The following ADGRD1 variants were observed in gnomAD, a reference collection of about 807,000 sequenced individuals.
ADGRD1 encodes the protein adhesion G protein-coupled receptor D1.
In ADGRD1, 77 loss-of-function variants were observed where a neutral mutation model predicts 113.4. The observed-to-expected ratio is 0.68, with a 90% CI of 0.57 to 0.82. The LOEUF (loss-of-function observed/expected upper bound fraction) is 0.82. ADGRD1 is among the 40% of genes least tolerant of loss of function. ADGRD1 has a pLI of 0.00. For synonymous variants in ADGRD1, 474 were observed against 475.0 expected, an observed-to-expected ratio of 1.00 and a Z score of 0.03; for missense variants, 1,036 against 1,139.1, an observed-to-expected ratio of 0.91 and a Z score of 1.30.
intron 2 of ADGRD1, chr12:130,958,060 C>T: frequency 6.4e-6 from 1 of 155,914 alleles, no homozygotes; most frequent in Non-Finnish European, 1.4e-5. Context: ...TGCCTTCCTT[C>T]CCTTCCTCCT....
intron 9 of ADGRD1, among the ~76,000 whole-genome samples, chr12:131,000,935 T>G (rs1407941770): frequency 1.3e-5 from 2 of 152,180 alleles, no homozygotes; most frequent in Non-Finnish European, 2.9e-5. Flanking sequence ...GACATGCAAC[T>G]GATTCAGAAT....
chr12:131,077,785 T>C (rs930478442), intron 14 of ADGRD1, among the ~76,000 whole-genome samples: 3 of 152,180 alleles, frequency 2.0e-5, no homozygotes, highest in African/African-American at 7.2e-5. Flanking sequence ...TCACCCAGGC[T>C]GGAGTGCAGT....
chr12:130,995,133 G>A lies in ADGRD1; in HGVS notation c.966+2741G>A, dbSNP rs547265144. Among the ~76,000 whole-genome samples, 310 of 152,358 alleles carry A rather than the reference G, an allele frequency of 2.0e-3. 1 individual carries two copies. Among genetic ancestry groups the A allele is most frequent in the African/African-American group, 7.2e-3 (299 of 41,590 alleles). On this transcript the variant is annotated intron_variant, in intron 8 of 24. Transcript: ENST00000261654. ...TGATAGGGTGTGGCCAGGCTGGCAG[G>A]TCTGTGGGAAGAGTTGGTGGTGGGG...
chr12:131,016,921 A>T (rs1333297845), intron 13 of ADGRD1, among the ~76,000 whole-genome samples: 3 of 147,974 alleles, frequency 2.0e-5, no homozygotes, highest in African/African-American at 7.4e-5. Flanking sequence ...TAAAGGCAGG[A>T]GGCTTGTTCT....
intron 8 of ADGRD1, among the ~76,000 whole-genome samples, chr12:130,999,531 C>T (rs557708062): frequency 1.3e-5 from 2 of 152,264 alleles, no homozygotes; most frequent in South Asian, 2.1e-4. Flanking sequence ...TGAGGAAGAA[C>T]GTGAGTATTC....
intron 8 of ADGRD1, among the ~76,000 whole-genome samples, chr12:130,992,830 C>A (rs1437936977): frequency 6.6e-6 from 1 of 152,060 alleles, no homozygotes; most frequent in African/African-American, 2.4e-5. Flanking sequence ...GAGAATGCAA[C>A]ATTTATGGCA....
intron 13 of ADGRD1, among the ~76,000 whole-genome samples, chr12:131,040,708 T>C (rs1882040046): frequency 6.6e-6 from 1 of 152,188 alleles, no homozygotes; most frequent in Admixed American, 6.5e-5. Context: ...AAGACAGGGA[T>C]AGAACAACCT....
At chr12:131,125,875 A>G (rs1178510053) in intron 20 of ADGRD1, among the ~76,000 whole-genome samples, 2 of 152,252 alleles carry the variant, frequency 1.3e-5, no homozygotes, top group African/African-American at 4.8e-5. Flanking sequence ...TTATAATGCA[A>G]TGTTGAATAT....
Position 130,981,941 on chromosome 12 carries a change from C to CTAGGGAT in ADGRD1, c.369_370insAGGGATT (p.Ala124ArgfsTer71). 6.2e-7 allele frequency: 1 copy of CTAGGGAT among 1,613,544 alleles called. No homozygotes were observed. Among genetic ancestry groups the CTAGGGAT allele is most frequent in the Non-Finnish European group, 8.5e-7 (1 of 1,179,406 alleles). ...GGAGAACAGTCTAGACCAATCCCTTCTGCGTATGGGGGACAGGTCATCTCC... is the reference window on the plus strand; with the variant it reads ...GGAGAACAGTCTAGACCAATCCCTTCTAGGGATTGCGTATGGGGGACAGGTCATCTCC... On this transcript the variant is annotated frameshift_variant, in exon 5 of 25. Coordinates refer to ENST00000261654, the MANE Select transcript of ADGRD1 (RefSeq NM_198827.5). LOFTEE classifies it high-confidence loss of function.
chr12:130,992,422 G>A (rs376980567), intron 8 of ADGRD1, 30 bp downstream of exon 8: 78 of 1,591,670 alleles, frequency 4.9e-5, no homozygotes, highest in Non-Finnish European at 6.7e-5. Context: ...GTGTCTGGTG[G>A]ACCGGGCGTG....
intron 9 of ADGRD1, among the ~76,000 whole-genome samples, chr12:131,002,133 C>T (rs535691237): frequency 6.6e-6 from 1 of 152,094 alleles, no homozygotes; most frequent in Non-Finnish European, 1.5e-5. Context: ...CTGGGAACAC[C>T]CAGAGGACAG....
At chr12:131,083,057 G>A (rs1886189614) in intron 14 of ADGRD1, among the ~76,000 whole-genome samples, 1 of 152,230 alleles carries the variant, frequency 6.6e-6, no homozygotes, top group African/African-American at 2.4e-5. Flanking sequence ...GGCCAGAGAG[G>A]TACAAGCTGG....
intron 2 of ADGRD1, among the ~76,000 whole-genome samples, chr12:130,960,476 T>A (rs1297944129): frequency 6.6e-6 from 1 of 152,234 alleles, no homozygotes; most frequent in African/African-American, 2.4e-5. Context: ...TTATATCCGA[T>A]TGAAGAAATG....
At chr12:131,044,384 G>T (rs1406533647) in intron 13 of ADGRD1, among the ~76,000 whole-genome samples, 2 of 152,144 alleles carry the variant, frequency 1.3e-5, no homozygotes, top group African/African-American at 4.8e-5. Context: ...GTCCACCCAC[G>T]AGTTCCCCCC....
rs1292750473 is a variant in ADGRD1 at position 131,050,693 on chromosome 12, G to A, written c.1474-26108G>A. On this transcript the variant is annotated intron_variant, in intron 13 of 24. Coordinates refer to ENST00000261654, the MANE Select transcript of ADGRD1 (RefSeq NM_198827.5). The surrounding 1 kb of genome is among the most constrained non-coding windows in gnomAD (Gnocchi z 4.8). ...CAAGAGGGATGGTGTTAAGCCAGCGGTCCCCAGACATTTTGGCACCAGGGA... is the reference window on the plus strand; with the variant it reads ...CAAGAGGGATGGTGTTAAGCCAGCGATCCCCAGACATTTTGGCACCAGGGA... Among the ~76,000 whole-genome samples the A allele has an allele frequency of 1.3e-5, 2 of 152,210 alleles. No individual in the cohort carries two copies. The highest frequency in any genetic ancestry group is 3.9e-4 in the East Asian group (2 of 5,164).
At chr12:131,101,955 A>G (rs1031865460) in intron 15 of ADGRD1, among the ~76,000 whole-genome samples, 2 of 152,138 alleles carry the variant, frequency 1.3e-5, no homozygotes, top group Admixed American at 6.5e-5. Context: ...CCACATCTCT[A>G]TTGCTGTCAT....
chr12:131,080,760 A>G (rs1886002802), intron 14 of ADGRD1, among the ~76,000 whole-genome samples: 1 of 152,144 alleles, frequency 6.6e-6, no homozygotes, highest in Non-Finnish European at 1.5e-5. Flanking sequence ...AGCTGGGACT[A>G]CAGGCGCCCG....
intron 7 of ADGRD1, 54 bp downstream of exon 7, chr12:130,991,132 T>C: frequency 6.8e-7 from 1 of 1,460,470 alleles, no homozygotes; most frequent in Non-Finnish European, 9.6e-7. Context: ...CTGCTTGGGC[T>C]GTTTGCTGGG....
Position 131,117,994 on chromosome 12 carries a change from T to G in ADGRD1, c.2042-391T>G, listed in dbSNP as rs568881571. On this transcript the variant is annotated intron_variant, in intron 18 of 24. Coordinates refer to ENST00000261654, the MANE Select transcript of ADGRD1 (RefSeq NM_198827.5). ...CCCGTTATGACAACCCTAGATGACT[T>G]AAGCCATTGCCAGTTGTCTCTTGTG... Among the ~76,000 whole-genome samples the G allele has an allele frequency of 2.4e-4, 36 of 152,328 alleles. No homozygotes were observed. The Middle Eastern group carries it at 0.01, about 43-fold the overall frequency.
Sources: gnomAD v4.1 joint callset for allele counts (sites outside exome capture counted in the v4.1 genomes callset) on GRCh38, gnomAD v4.1.1 for gene constraint, Gnocchi (gnomAD v3.1) non-coding constraint, MANE v1.5 for transcripts, NCBI Gene and HGNC (gene_info 2026-07-23, HGNC 2026-07-21) for gene names.